PKD1: variants seen among roughly 807,000 people sequenced by gnomAD.
PKD1 encodes polycystin 1, transient receptor potential channel interacting.
A neutral mutation model predicts 361.7 loss-of-function variants in PKD1; 81 were observed. The observed-to-expected ratio is 0.22, with a 90% CI of 0.19 to 0.27. PKD1 has a LOEUF of 0.27. Ranked by LOEUF, PKD1 falls within the 10% of genes least tolerant of loss-of-function variation. PKD1 has a pLI of 1.00. For synonymous variants in PKD1, 3,615 were observed against 2,818.3 expected (o/e 1.28, Z -8.95); for missense variants, 6,399 against 6,118.3 (o/e 1.05, Z -1.53).
In PKD1 at chr16:2,093,835, T is replaced by C; in HGVS notation, c.10797A>G (p.Ser3599=). The C allele has an allele frequency of 6.4e-7, 1 of 1,562,032 alleles. No individual in the cohort carries two copies. The highest frequency in any genetic ancestry group is 8.6e-7 in the Non-Finnish European group (1 of 1,159,204). Residue 3599 remains serine (S), a synonymous_variant, in exon 36 of 46, where the codon TCA becomes TCG. Coordinates refer to ENST00000262304, the MANE Select transcript of PKD1 (RefSeq NM_001009944.3). ...CCTTCAGTGGCTCCCAGCCGAGGAA[T>C]GAGGCCAGGAAGCTGGCGCTGCTGG... ...LLSSSASFLA[S]FLGWEPLKVL...
At position 2,092,145 on chromosome 16, in the gene PKD1, C is replaced by G. The variant is rs776847185; in HGVS notation, c.11313G>C (p.Ser3771=). The G allele has an allele frequency of 6.8e-6, 11 of 1,612,540 alleles. No homozygotes were observed. In the Admixed American group the frequency reaches 1.5e-4, roughly 22 times the overall value. The change falls in exon 40 of 46, where the codon TCG becomes TCC. Residue 3771 remains serine, a synonymous_variant. Coordinates refer to ENST00000262304, the MANE Select transcript of PKD1 (RefSeq NM_001009944.3). ...DPPGPRVHTC[S]AAGGFSTSDY... is the part of the protein sequence containing the mutation. Reference sequence around the variant, plus strand: ...CGCTGGTGCTGAAGCCTCCTGCGGCCGAGCACGTGTGGACCCTGGGGCCGG... The same window carrying G: ...CGCTGGTGCTGAAGCCTCCTGCGGCGGAGCACGTGTGGACCCTGGGGCCGG...
chr16:2,096,436 G>C (rs184555741), intron 34 of PKD1, among the ~76,000 whole-genome samples: 7 of 152,220 alleles, frequency 4.6e-5, no homozygotes, highest in Non-Finnish European at 5.9e-5. Context: ...TGCCATGTGC[G>C]TGACTATGTG....
intron 34 of PKD1, chr16:2,096,926 C>T: frequency 1.7e-6 from 1 of 591,402 alleles, no homozygotes; most frequent in South Asian, 2.0e-5. Context: ...CCTACAAAGC[C>T]CCATGAGCCT....
chr16:2,112,706 G>A (rs2369073), intron 13 of PKD1, 82 bp downstream of exon 13: 9 of 1,446,430 alleles, frequency 6.2e-6, no homozygotes, highest in African/African-American at 2.8e-5. Flanking sequence ...AAGCAACCCC[G>A]TGATGTGGGG....
rs773158555 is a variant in PKD1 at position 2,109,592 on chromosome 16, C to A, written c.5575G>T (p.Ala1859Ser). Reference sequence around the variant, plus strand: ...TTGAGCCGGATGGAGAAGGTGCCAGCATCCGGGAAGACCATGGTGACATGA... The same window carrying A: ...TTGAGCCGGATGGAGAAGGTGCCAGAATCCGGGAAGACCATGGTGACATGA... ...GPHVTMVFPD[A>S]GTFSIRLNAS... Residue 1859 changes from alanine (A) to serine (S), a missense_variant, in exon 15 of 46, where the codon GCT (alanine) becomes TCT (serine). Physicochemically the swap from Ala to Ser is moderately conservative, Grantham distance 99 (BLOSUM62 1). Transcript: ENST00000262304. 2 of 1,611,162 alleles carry A rather than the reference C, an allele frequency of 1.2e-6. No individual in the cohort carries two copies. Among genetic ancestry groups the A allele is most frequent in the Admixed American group, 1.7e-5 (1 of 59,890 alleles).
At chr16:2,135,307 C>G (rs909208339) in intron 1 of PKD1, 168 bp downstream of exon 1, 12 of 985,182 alleles carry the variant, frequency 1.2e-5, no homozygotes, top group Non-Finnish European at 1.4e-5. Context: ...GGGGCCGTGC[C>G]AACCGCGGCT....
At chr16:2,107,127 G>A in intron 16 of PKD1, 179 bp from the exon 17 acceptor site, 1 of 683,690 alleles carries the variant, frequency 1.5e-6, no homozygotes, top group South Asian at 1.6e-5. Flanking sequence ...TTGGACGGCG[G>A]AAGGGCATAC....
chr16:2,100,444 G>A lies in PKD1; in HGVS notation c.9520C>T (p.His3174Tyr). The change falls in exon 27 of 46, where the codon CAC becomes TAC. Residue 3174 changes from histidine (H) to tyrosine (Y), a missense_variant. Coordinates refer to ENST00000262304, the MANE Select transcript of PKD1 (RefSeq NM_001009944.3). The surrounding 1 kb of genome is among the most constrained non-coding windows in gnomAD (Gnocchi z 4.4). ...ATCTTCCACACGCTACCCAGGCTGT[G>A]CGGGGTGGCGATCCGGAAGATGTCC... Reference protein sequence around the residue: ...SLDIFRIATPHSLGSVWKIRV... With the variant: ...SLDIFRIATPYSLGSVWKIRV... 3 of 1,610,976 alleles carry A rather than the reference G, an allele frequency of 1.9e-6. No individual in the cohort carries two copies. Among genetic ancestry groups the A allele is most frequent in the Non-Finnish European group, 2.5e-6 (3 of 1,179,650 alleles).
rs1190102068 is a variant in PKD1, at chr16:2,116,878, G to C, written c.1561C>G (p.Leu521Val). Reference sequence around the variant, plus strand: ...ACGTAGCTGTGCGGCGCTGAGCACAGGTCGGTGTTACACCACCCGGTGGGC... The same window carrying C: ...ACGTAGCTGTGCGGCGCTGAGCACACGTCGGTGTTACACCACCCGGTGGGC... ...LGPTGWCNTDLCSAPHSYVCE... is the reference protein window; with the variant it reads ...LGPTGWCNTDVCSAPHSYVCE... Residue 521 changes from leucine (L) to valine (V), a missense_variant, in exon 7 of 46, where the codon CTG becomes GTG. By Grantham distance (32) the Leu-to-Val change is conservative. Transcript: ENST00000262304. 4.0e-5 allele frequency: 62 copies of C among 1,533,378 alleles called. No individual in the cohort carries two copies. The highest frequency in any genetic ancestry group is 5.2e-5 in the Non-Finnish European group (60 of 1,144,384). 95.0% of individuals were successfully genotyped at this position (1,533,378 alleles called of 1,614,324 possible).
intron 21 of PKD1, among the ~76,000 whole-genome samples, 185 bp from the exon 22 acceptor site, chr16:2,104,827 C>T (rs62038818): frequency 0.015 from 1,655 of 111,650 alleles, no homozygotes; most frequent in Non-Finnish European, 0.018. Context: ...GGGCCTCCAC[C>T]TGGGGACCAC....
intron 45 of PKD1, 45 bp downstream of exon 45, chr16:2,090,240 A>G (rs777938249): frequency 1.1e-5 from 18 of 1,609,062 alleles, no homozygotes; most frequent in Non-Finnish European, 1.5e-5. Context: ...CACCCTGGGC[A>G]GAGCCCAGGG....
intron 34 of PKD1, 36 bp from the exon 35 acceptor site, chr16:2,094,246 C>A (rs1340386643): frequency 7.5e-7 from 1 of 1,327,698 alleles, no homozygotes; most frequent in Admixed American, 1.7e-5. Context: ...TCATCCCGGC[C>A]TCCAGGAGGC....
chr16:2,121,225 C>G (rs1313102043), intron 1 of PKD1, among the ~76,000 whole-genome samples: 1 of 151,584 alleles, frequency 6.6e-6, no homozygotes, highest in Non-Finnish European at 1.5e-5. Context: ...ATTAGTCGGG[C>G]GTGGTGGCAA....
At chr16:2,130,567 C>T (rs1169994101) in intron 1 of PKD1, among the ~76,000 whole-genome samples, 1 of 152,230 alleles carries the variant, frequency 6.6e-6, no homozygotes, top group Non-Finnish European at 1.5e-5. Flanking sequence ...TGGTGACAAT[C>T]CCTAGTCCTC....
In PKD1 at chr16:2,088,846, C is replaced by G; in HGVS notation, c.*881G>C. ...GCCAGCTCCGAGGGCCTTGAGGCTG[C>G]CTGGGCCATACAGCACACTCGCGCG... On this transcript the variant is annotated 3_prime_UTR_variant, in exon 46 of 46. Transcript: ENST00000262304. 8 of 587,262 alleles carry G rather than the reference C, an allele frequency of 1.4e-5. No individual in the cohort carries two copies. The Middle Eastern group carries it at 3.7e-3, about 271-fold the overall frequency. The allele number at this position is 587,262 out of a possible 1,614,324, so 36.4% of individuals were successfully genotyped here.
At position 2,118,763 on chromosome 16, in the gene PKD1, C is replaced by A. The variant is rs1236066494; in HGVS notation, c.442G>T (p.Val148Leu). ...RWAEEQQVRV[V>L]QPEAATCAGP... ...GCACACGTGGCTGCCTCGGGCTGCA[C>A]CACCCGCACCTGCTGCTCCTCCGCC... The change falls in exon 4 of 46, where the codon GTG (valine) becomes TTG (leucine). Residue 148 changes from valine to leucine, a missense_variant. Transcript: ENST00000262304. This position sits in a 1 kb window ranked among gnomAD's most constrained non-coding sequence, Gnocchi z 6.0. The A allele has an allele frequency of 7.0e-7, 1 of 1,420,962 alleles. No individual in the cohort carries two copies. The highest frequency in any genetic ancestry group is 1.7e-5 in the Admixed American group (1 of 57,484). 88.0% of individuals were successfully genotyped at this position (1,420,962 alleles called of 1,614,324 possible).
chr16:2,132,059 T>C (rs2151851834), intron 1 of PKD1: 1 of 152,088 alleles, frequency 6.6e-6, no homozygotes, highest in East Asian at 1.9e-4. Context: ...GAGACCAGCC[T>C]GACCAACGTG....
chr16:2,112,875 G>C lies in PKD1; in HGVS notation c.3074C>G (p.Ser1025Cys). 2 of 1,606,914 alleles carry C rather than the reference G, an allele frequency of 1.2e-6. No homozygotes were observed. The highest frequency in any genetic ancestry group is 8.5e-7 in the Non-Finnish European group (1 of 1,179,682). ...GGGGGACAGCACGGCCGGCACTGTG[G>C]AGACCTGCAGACCCTGCATCCTGTT... ...RMNRMQGLQV[S>C]TVPAVLSPNA... is the part of the protein sequence containing the mutation. Residue 1025 changes from serine (S) to cysteine (C), a missense_variant, in exon 13 of 46, where the codon TCC becomes TGC. Physicochemically the swap from Ser to Cys is moderately radical, Grantham distance 112. Coordinates refer to ENST00000262304, the MANE Select transcript of PKD1 (RefSeq NM_001009944.3).
Position 2,097,128 on chromosome 16 carries a change from C to G in PKD1, c.10499+20G>C. Reference sequence around the variant, plus strand: ...CCCCTCCTCTGGCAATCCCCCCTCCCCCGAGAGCCGGACACTCACAGGCTG... The same window carrying G: ...CCCCTCCTCTGGCAATCCCCCCTCCGCCGAGAGCCGGACACTCACAGGCTG... On this transcript the variant is annotated intron_variant, in intron 34 of 45. Coordinates refer to ENST00000262304, the MANE Select transcript of PKD1 (RefSeq NM_001009944.3). 6.5e-7 allele frequency: 1 copy of G among 1,540,272 alleles called. No homozygotes were observed. Among genetic ancestry groups the G allele is most frequent in the Non-Finnish European group, 8.8e-7 (1 of 1,140,480 alleles).
Sources: gnomAD v4.1 joint callset for allele counts (sites outside exome capture counted in the v4.1 genomes callset) on GRCh38, gnomAD v4.1.1 for gene constraint, Gnocchi (gnomAD v3.1) non-coding constraint, MANE v1.5 for transcripts, NCBI Gene and HGNC (gene_info 2026-07-23, HGNC 2026-07-21) for gene names.